Variants in CMTM4 observed in about 807,000 individuals in gnomAD.
CMTM4 encodes the protein CKLF-like MARVEL transmembrane domain-containing protein 4.
Under a neutral mutation model 19.0 loss-of-function variants are expected in CMTM4, and 8 were observed. The observed-to-expected ratio is 0.42, with a 90% CI of 0.25 to 0.76. The LOEUF (loss-of-function observed/expected upper bound fraction) is 0.76, where lower values mean the gene tolerates loss of function less well. Ranked by LOEUF, CMTM4 falls within the 30% of genes least tolerant of loss-of-function variation. The pLI is 0.27. For synonymous variants in CMTM4, 106 were observed against 121.1 expected (o/e 0.88, Z 0.82); for missense variants, 228 against 290.2 (o/e 0.79, Z 1.56).
the CMTM4 span, among the ~76,000 whole-genome samples, chr16:66,609,039 T>C: frequency 6.6e-6 from 1 of 152,192 alleles, no homozygotes; most frequent in African/African-American, 2.4e-5. The surrounding 1 kb of genome is among the most constrained non-coding windows in gnomAD (Gnocchi z 4.4). Context: ...GCAGAAACTG[T>C]GGTCCATGAA....
chr16:66,636,074 A>G (rs17699807), intron 2 of CMTM4, among the ~76,000 whole-genome samples: 6,613 of 152,290 alleles, frequency 0.043, 259 homozygotes, highest in East Asian at 0.16. Flanking sequence ...TCCAGTCTGA[A>G]AAGTATGTAA....
chr16:66,679,291 C>T (rs1362219813), intron 1 of CMTM4, among the ~76,000 whole-genome samples: 5 of 151,988 alleles, frequency 3.3e-5, no homozygotes, highest in Non-Finnish European at 5.9e-5. Context: ...TTCTTTACCC[C>T]GCTCCATGGG....
At chr16:66,664,167 A>G (rs1339241395) in intron 1 of CMTM4, among the ~76,000 whole-genome samples, 1 of 150,930 alleles carries the variant, frequency 6.6e-6, no homozygotes, top group Non-Finnish European at 1.5e-5. Flanking sequence ...CGGGAGGCAG[A>G]GGTTGCAGTG....
At chr16:66,612,695 C>G, downstream of CMTM4, 1 of 1,565,032 alleles carries the variant, frequency 6.4e-7, no homozygotes, top group Non-Finnish European at 8.8e-7. The surrounding 1 kb of genome is among the most constrained non-coding windows in gnomAD (Gnocchi z 6.0). Context: ...CTGCGCCTCA[C>G]AGGGGTCGCT....
Position 66,622,853 on chromosome 16 carries a change from A to T in CMTM4, c.462+551T>A, listed in dbSNP as rs1485878730. ...TGGCACCTGGGAGAGCAGTTCGTTTAATCATTTATAAACCTTTTAATCCCC... is the reference window on the plus strand; with the variant it reads ...TGGCACCTGGGAGAGCAGTTCGTTTTATCATTTATAAACCTTTTAATCCCC... On this transcript the variant is annotated intron_variant, in intron 3 of 3. Coordinates refer to ENST00000394106, the MANE Select transcript of CMTM4 (RefSeq NM_181521.3). The surrounding 1 kb of genome is among the most constrained non-coding windows in gnomAD (Gnocchi z 4.0). Among the ~76,000 whole-genome samples the T allele has an allele frequency of 6.6e-6, 1 of 152,186 alleles. No homozygotes were observed. The highest frequency in any genetic ancestry group is 1.5e-5 in the Non-Finnish European group (1 of 68,028).
At chr16:66,692,900 C>T (rs558932439) in intron 1 of CMTM4, among the ~76,000 whole-genome samples, 109 of 149,222 alleles carry the variant, frequency 7.3e-4, no homozygotes, top group African/African-American at 2.6e-3. Context: ...GAGCAAGACT[C>T]CATCTCAAAA....
chr16:66,614,023 T>C (rs1055415055), downstream of CMTM4: 8 of 152,340 alleles, frequency 5.3e-5, no homozygotes, highest in Admixed American at 5.2e-4. This position sits in a 1 kb window ranked among gnomAD's most constrained non-coding sequence, Gnocchi z 4.9. Context: ...GACTGTTCTA[T>C]CTCAGATCAT....
At chr16:66,685,845 A>G (rs1489184825) in intron 1 of CMTM4, among the ~76,000 whole-genome samples, 1 of 152,110 alleles carries the variant, frequency 6.6e-6, no homozygotes, top group African/African-American at 2.4e-5. Flanking sequence ...TTGTTTCACC[A>G]CGTTACCCAG....
In CMTM4 at chr16:66,620,476, A is replaced by C. The variant is rs2015610102; in HGVS notation, c.*1582T>G. The C allele has an allele frequency of 1.0e-6, 1 of 985,392 alleles. No individual in the cohort carries two copies. Among genetic ancestry groups the C allele is most frequent in the Non-Finnish European group, 1.2e-6 (1 of 830,012 alleles). 61.0% of individuals were successfully genotyped at this position (985,392 alleles called of 1,614,324 possible). On this transcript the variant is annotated 3_prime_UTR_variant, in exon 4 of 4. Transcript: ENST00000394106. Reference sequence around the variant, plus strand: ...GAAGCTAACCCCAACTCCGACCCCCAGCCCAGCAGTGTTGCCTGATCAACA... The same window carrying C: ...GAAGCTAACCCCAACTCCGACCCCCCGCCCAGCAGTGTTGCCTGATCAACA...
downstream of CMTM4, among the ~76,000 whole-genome samples, chr16:66,612,317 G>C (rs1431075949): frequency 1.3e-5 from 2 of 152,172 alleles, no homozygotes; most frequent in Non-Finnish European, 2.9e-5. This position sits in a 1 kb window ranked among gnomAD's most constrained non-coding sequence, Gnocchi z 6.0. Context: ...GGAAGTTGCA[G>C]TGAGTCGAGA....
At chr16:66,688,411 C>T (rs2017074862) in intron 1 of CMTM4, among the ~76,000 whole-genome samples, 1 of 152,104 alleles carries the variant, frequency 6.6e-6, no homozygotes, top group Non-Finnish European at 1.5e-5. Context: ...TTACAATCCC[C>T]AAGTGAGAGA....
chr16:66,677,944 C>T (rs1049478908), intron 1 of CMTM4, among the ~76,000 whole-genome samples: 2 of 152,118 alleles, frequency 1.3e-5, no homozygotes, highest in Non-Finnish European at 2.9e-5. Context: ...GTCATTTGCC[C>T]GCCTCAGCCT....
intron 1 of CMTM4, among the ~76,000 whole-genome samples, chr16:66,657,729 GA>G (rs1271029207): frequency 6.6e-6 from 1 of 152,154 alleles, no homozygotes; most frequent in African/African-American, 2.4e-5. Flanking sequence ...CGAGTTTGGA[GA>G]AAAAACTCAT....
At chr16:66,653,735 TTTTG>T (rs907480759) in intron 1 of CMTM4, among the ~76,000 whole-genome samples, 4 of 152,036 alleles carry the variant, frequency 2.6e-5, no homozygotes, top group African/African-American at 7.3e-5. Flanking sequence ...GTTGGTTGGG[TTTTG>T]TTTGTTTGTT....
rs2015634521 is a variant in CMTM4, at chr16:66,621,536, GCC to G, written c.*520_*521del. 1.0e-6 allele frequency: 1 copy of G among 987,850 alleles called. No individual in the cohort carries two copies. The highest frequency in any genetic ancestry group is 1.1e-4 in the East Asian group (1 of 8,868). 61.2% of individuals were successfully genotyped at this position (987,850 alleles called of 1,614,324 possible). On this transcript the variant is annotated 3_prime_UTR_variant, in exon 4 of 4. Coordinates refer to ENST00000394106, the MANE Select transcript of CMTM4 (RefSeq NM_181521.3). ...CCTAACAGGACATCAGCTTTCCCCA[GCC>G]CTGTGGCCTTTGGGCTGGTGCTGGC...
intron 1 of CMTM4, among the ~76,000 whole-genome samples, chr16:66,638,805 A>T (rs2016045793): frequency 6.6e-6 from 1 of 152,128 alleles, no homozygotes; most frequent in Non-Finnish European, 1.5e-5. Context: ...GGTTGCAGTG[A>T]GCTGAGATCG....
At chr16:66,637,153 CTAAT>C (rs1419566258) in intron 1 of CMTM4, among the ~76,000 whole-genome samples, 1 of 152,154 alleles carries the variant, frequency 6.6e-6, no homozygotes, top group East Asian at 1.9e-4. Context: ...AGAGGCGCAC[CTAAT>C]TAATTCATAT....
At position 66,696,711 on chromosome 16, in the gene CMTM4, G is replaced by A; in HGVS notation, c.-186C>T. The A allele has an allele frequency of 6.2e-6, 1 of 161,062 alleles. No homozygotes were observed. Among genetic ancestry groups the A allele is most frequent in the Non-Finnish European group, 1.3e-5 (1 of 78,446 alleles). The allele number at this position is 161,062 out of a possible 1,614,324, so 10.0% of individuals were successfully genotyped here. On this transcript the variant is annotated 5_prime_UTR_variant, in exon 1 of 4. Coordinates refer to ENST00000394106, the MANE Select transcript of CMTM4 (RefSeq NM_181521.3). This position sits in a 1 kb window ranked among gnomAD's most constrained non-coding sequence, Gnocchi z 4.3. Reference sequence around the variant, plus strand: ...TGCGGCTGCGGCTCGGTCCGCTCGGGCTCGGCTCCCGCCGCCTCGGCAGCG... The same window carrying A: ...TGCGGCTGCGGCTCGGTCCGCTCGGACTCGGCTCCCGCCGCCTCGGCAGCG...
intron 1 of CMTM4, among the ~76,000 whole-genome samples, chr16:66,692,519 A>G (rs1279646469): frequency 6.6e-6 from 1 of 152,238 alleles, no homozygotes; most frequent in Non-Finnish European, 1.5e-5. Flanking sequence ...TGCATTTCTA[A>G]CAAGCCCTTA....
Sources: allele counts gnomAD v4.1 joint callset (sites outside exome capture counted in the v4.1 genomes callset), GRCh38; gene constraint gnomAD v4.1.1; non-coding constraint Gnocchi (gnomAD v3.1); transcripts MANE v1.5; gene names NCBI Gene and HGNC (gene_info 2026-07-23, HGNC 2026-07-21).